The following AK4 variants were observed in gnomAD, a reference collection of about 807,000 sequenced individuals.
AK4 encodes adenylate kinase 4, mitochondrial.
In AK4, 13 loss-of-function variants were observed where a neutral mutation model predicts 24.6. That is an observed-to-expected ratio of 0.53 (90% confidence interval 0.34 to 0.84). The LOEUF (loss-of-function observed/expected upper bound fraction) is 0.84. Ranked by LOEUF, AK4 falls within the 40% of genes least tolerant of loss-of-function variation. AK4 has a pLI of 0.01. For synonymous variants in AK4, 88 were observed against 107.0 expected, an observed-to-expected ratio of 0.82 and a Z score of 1.10; for missense variants, 192 against 288.2, an observed-to-expected ratio of 0.67 and a Z score of 2.42.
intron 1 of AK4, among the ~76,000 whole-genome samples, chr1:65,163,475 T>C (rs1650235880): frequency 6.6e-6 from 1 of 152,228 alleles, no homozygotes; most frequent in Non-Finnish European, 1.5e-5. Context: ...ATTTGCCTTA[T>C]TTGAACACAG....
intron 2 of AK4, 64 bp downstream of exon 2, chr1:65,190,893 C>G (rs1341896157): frequency 5.3e-6 from 8 of 1,519,666 alleles, no homozygotes; most frequent in Non-Finnish European, 6.2e-6. Flanking sequence ...TGCACACTCC[C>G]TTAACTTCTT....
At chr1:65,221,912 T>G (rs774457657) in intron 3 of AK4, among the ~76,000 whole-genome samples, 1 of 152,176 alleles carries the variant, frequency 6.6e-6, no homozygotes, top group African/African-American at 2.4e-5. Context: ...ATATATACCC[T>G]GGGGTTCGTC....
intron 1 of AK4, among the ~76,000 whole-genome samples, chr1:65,167,502 TAAA>T (rs113891826): frequency 7.0e-6 from 1 of 142,762 alleles, no homozygotes; most frequent in Non-Finnish European, 1.5e-5. Context: ...TGGCTTAGTT[TAAA>T]AAAAAAAAAA....
At chr1:65,154,209 G>T (rs1231821861) in intron 1 of AK4, among the ~76,000 whole-genome samples, 1 of 152,128 alleles carries the variant, frequency 6.6e-6, no homozygotes, top group Non-Finnish European at 1.5e-5. Flanking sequence ...AAAGGGATTT[G>T]GGATATATAT....
intron 1 of AK4, among the ~76,000 whole-genome samples, chr1:65,169,062 G>T (rs1378184295): frequency 6.6e-6 from 1 of 151,776 alleles, no homozygotes; most frequent in African/African-American, 2.4e-5. Flanking sequence ...GGTAGTCCCA[G>T]CTACTAGGGC....
intron 1 of AK4, 61 bp from the exon 2 acceptor site, chr1:65,190,649 G>A (rs946125957): frequency 6.4e-7 from 1 of 1,573,626 alleles, no homozygotes; most frequent in Non-Finnish European, 8.6e-7. Context: ...ACTAAGAGTT[G>A]GTAAGCTTTG....
At chr1:65,182,266 T>A (rs1027973123) in intron 1 of AK4, among the ~76,000 whole-genome samples, 5 of 152,170 alleles carry the variant, frequency 3.3e-5, no homozygotes, top group African/African-American at 1.2e-4. Context: ...TGGTACCTGG[T>A]ACATAGACTT....
At chr1:65,165,884 A>G (rs1329301612) in intron 1 of AK4, 1 of 152,300 alleles carries the variant, frequency 6.6e-6, no homozygotes, top group Non-Finnish European at 1.5e-5. Context: ...GAAGGGGTGA[A>G]CTTGAATGAC....
rs191954814 is a variant in AK4 at position 65,225,506 on chromosome 1, G to C, written c.558-557G>C. On this transcript the variant is annotated intron_variant, in intron 4 of 4. Transcript: ENST00000327299. ...GTTTTCTGTGTGTATGTGTGTGAGG[G>C]GGAATCTCAGTTTTCATATTGGCAA... Among the ~76,000 whole-genome samples, 7 of 152,178 alleles carry C rather than the reference G, an allele frequency of 4.6e-5. No individual in the cohort carries two copies. The East Asian group carries it at 1.4e-3, about 29-fold the overall frequency.
chr1:65,205,008 G>A (rs937825653), intron 2 of AK4, among the ~76,000 whole-genome samples: 4 of 152,168 alleles, frequency 2.6e-5, no homozygotes, highest in African/African-American at 4.8e-5. Flanking sequence ...GAGTAAAGGT[G>A]CACTGCTGTT....
At chr1:65,186,992 A>C (rs190461134) in intron 1 of AK4, among the ~76,000 whole-genome samples, 49 of 152,334 alleles carry the variant, frequency 3.2e-4, no homozygotes, top group Admixed American at 2.5e-3. Flanking sequence ...TGAAATATGG[A>C]TACGTGGTAC....
At chr1:65,204,663 G>A (rs1208928946) in intron 2 of AK4, among the ~76,000 whole-genome samples, 2 of 152,214 alleles carry the variant, frequency 1.3e-5, no homozygotes, top group East Asian at 3.9e-4. Flanking sequence ...GTTTTCTTTT[G>A]TTTTAAATTC....
chr1:65,166,220 T>C (rs1307628489), intron 1 of AK4, among the ~76,000 whole-genome samples: 3 of 152,144 alleles, frequency 2.0e-5, no homozygotes, highest in Non-Finnish European at 4.4e-5. Flanking sequence ...GTTCCCTTCT[T>C]TTCTGGAGTC....
chr1:65,154,430 A>G (rs188537447), intron 1 of AK4: 20 of 446,786 alleles, frequency 4.5e-5, no homozygotes, highest in Admixed American at 2.2e-4. Flanking sequence ...GGAAGAGCAC[A>G]TGCATGGGCT....
chr1:65,180,100 A>G (rs1650850185), intron 1 of AK4, among the ~76,000 whole-genome samples: 1 of 152,130 alleles, frequency 6.6e-6, no homozygotes, highest in Admixed American at 6.6e-5. Flanking sequence ...CAGGATTTGA[A>G]CTCAGGCAGT....
chr1:65,156,021 T>C (rs1649970968), intron 1 of AK4, among the ~76,000 whole-genome samples: 1 of 152,236 alleles, frequency 6.6e-6, no homozygotes, highest in African/African-American at 2.4e-5. Context: ...ATAGTATTAC[T>C]GTTTTGAAAA....
intron 2 of AK4, among the ~76,000 whole-genome samples, chr1:65,196,160 C>T (rs909397903): frequency 6.6e-6 from 1 of 152,170 alleles, no homozygotes; most frequent in Non-Finnish European, 1.5e-5. Context: ...GTTACACAGG[C>T]ACATGCTCTG....
chr1:65,198,566 T>C (rs10889525), intron 2 of AK4, among the ~76,000 whole-genome samples: 58,895 of 151,920 alleles, frequency 0.39, 11,867 homozygotes, highest in East Asian at 0.67. Context: ...CAGAGACATA[T>C]ATTCAGCCAC....
chr1:65,224,051 A>T (rs1364143351), intron 3 of AK4, among the ~76,000 whole-genome samples: 5 of 152,184 alleles, frequency 3.3e-5, no homozygotes, highest in Non-Finnish European at 7.3e-5. Context: ...GTTAAGGTAT[A>T]TTTTTTGTTT....
Sources: allele counts gnomAD v4.1 joint callset (sites outside exome capture counted in the v4.1 genomes callset), GRCh38; gene constraint gnomAD v4.1.1; transcripts MANE v1.5; gene names NCBI Gene and HGNC (gene_info 2026-07-23, HGNC 2026-07-21).